The following CHST9 variants were observed in gnomAD, a reference collection of about 807,000 sequenced individuals.
CHST9 encodes GalNAc-4-sulfotransferase 2.
Under a neutral mutation model 44.4 loss-of-function variants are expected in CHST9, and 41 were observed. That is an observed-to-expected ratio of 0.92 (90% CI 0.72 to 1.20). CHST9 has a LOEUF of 1.20. CHST9 is among the 50% of genes most tolerant of loss of function. The pLI is 0.00. For missense variants in CHST9, 504 were observed against 516.5 expected, an observed-to-expected ratio of 0.98 and a Z score of 0.23; for synonymous variants, 171 against 178.4, an observed-to-expected ratio of 0.96 and a Z score of 0.33.
chr18:26,916,686 T>C lies in CHST9; in HGVS notation c.905A>G (p.His302Arg). ...DKFEHPNSYY[H>R]PVFGKAIIKK... ...GATAATTGCCTTTCCGAATACTGGA[T>C]GGTAATAACTATTGGGGTGTTCAAA... is the stretch of plus-strand genomic sequence containing the variant. The change falls in exon 6 of 6, where the codon CAT becomes CGT. Residue 302 changes from histidine to arginine, a missense_variant. His to Arg is a conservative substitution (Grantham distance 29, BLOSUM62 0). Transcript: ENST00000618847. 5.6e-6 allele frequency: 9 copies of C among 1,613,934 alleles called. No homozygotes were observed. Among genetic ancestry groups the C allele is most frequent in the Non-Finnish European group, 7.6e-6 (9 of 1,179,822 alleles).
chr18:26,974,486 T>C (rs2056592320), intron 4 of CHST9, among the ~76,000 whole-genome samples: 1 of 152,218 alleles, frequency 6.6e-6, no homozygotes, highest in South Asian at 2.1e-4. Flanking sequence ...GTTGAATTGA[T>C]TTCTTCTGAA....
intron 2 of CHST9, among the ~76,000 whole-genome samples, chr18:27,107,585 T>C (rs550808905): frequency 6.6e-6 from 1 of 152,274 alleles, no homozygotes; most frequent in East Asian, 1.9e-4. Context: ...CCCTGAAAAC[T>C]TTTGTCTTCC....
intron 2 of CHST9, among the ~76,000 whole-genome samples, chr18:27,080,950 T>C (rs1288028076): frequency 6.6e-6 from 1 of 151,360 alleles, no homozygotes; most frequent in East Asian, 1.9e-4. Context: ...AAATGGAATT[T>C]AGAAGAAAAA....
intron 2 of CHST9, among the ~76,000 whole-genome samples, chr18:27,061,894 T>C (rs1470538817): frequency 1.3e-5 from 2 of 152,172 alleles, no homozygotes; most frequent in African/African-American, 4.8e-5. Flanking sequence ...TATACATTTC[T>C]GGAATGCAAG....
chr18:27,101,758 A>G (rs79023059), intron 2 of CHST9, among the ~76,000 whole-genome samples: 2,909 of 152,346 alleles, frequency 0.019, 83 homozygotes, highest in African/African-American at 0.065. Flanking sequence ...GAGAAACTGT[A>G]TATCCTAACA....
chr18:26,916,524 A>C lies in CHST9; in HGVS notation c.1067T>G (p.Leu356Arg). 1 of 1,613,844 alleles carries C rather than the reference A, an allele frequency of 6.2e-7. No homozygotes were observed. Among genetic ancestry groups the C allele is most frequent in the Non-Finnish European group, 8.5e-7 (1 of 1,179,778 alleles). The change falls in exon 6 of 6, where the codon CTC becomes CGC. Residue 356 changes from leucine (L) to arginine (R), a missense_variant. Physicochemically the swap from Leu to Arg is moderately radical, Grantham distance 102. Coordinates refer to ENST00000618847, the MANE Select transcript of CHST9 (RefSeq NM_031422.6). ...MDIHWEKVSK[L>R]CYPCLINYDF... is the part of the protein sequence containing the mutation. ...ATAGTTGATCAAACACGGATAGCAG[A>C]GTTTGCTGACCTTTTCCCAGTGAAT...
intron 4 of CHST9, among the ~76,000 whole-genome samples, chr18:27,008,408 G>A (rs1176478090): frequency 1.3e-5 from 2 of 152,140 alleles, no homozygotes; most frequent in Admixed American, 1.3e-4. Flanking sequence ...CAACAATCAA[G>A]TAGTTAGAAA....
intron 2 of CHST9, among the ~76,000 whole-genome samples, chr18:27,053,251 A>AGAAGAG: frequency 9.1e-6 from 1 of 110,144 alleles, no homozygotes; most frequent in Non-Finnish European, 2.0e-5. Flanking sequence ...AAGAAGAAGA[A>AGAAGAG]GAAGAAGAAG....
intron 5 of CHST9, among the ~76,000 whole-genome samples, chr18:26,923,928 A>G (rs2055711491): frequency 6.6e-6 from 1 of 152,148 alleles, no homozygotes; most frequent in South Asian, 2.1e-4. Flanking sequence ...CAAGCCAGAG[A>G]TGGCAAGGGC....
intron 1 of CHST9, among the ~76,000 whole-genome samples, chr18:27,143,453 T>C (rs1181397261): frequency 6.6e-6 from 1 of 152,072 alleles, no homozygotes; most frequent in Non-Finnish European, 1.5e-5. Context: ...CAAGGACCCC[T>C]CCCACAATAA....
intron 3 of CHST9, among the ~76,000 whole-genome samples, chr18:27,038,968 A>G (rs567842527): frequency 1.1e-4 from 17 of 152,320 alleles, no homozygotes; most frequent in African/African-American, 3.8e-4. Context: ...TGTAATTTAT[A>G]TATATGGCTT....
At chr18:26,995,409 ACC>A (rs1488006187) in intron 4 of CHST9, among the ~76,000 whole-genome samples, 10 of 147,966 alleles carry the variant, frequency 6.8e-5, no homozygotes, top group African/African-American at 2.5e-4. Context: ...CTACACTGCA[ACC>A]CGGGTGACAG....
At chr18:27,070,265 C>T (rs187204918) in intron 2 of CHST9, among the ~76,000 whole-genome samples, 9 of 152,270 alleles carry the variant, frequency 5.9e-5, no homozygotes, top group Non-Finnish European at 1.5e-5. Context: ...TCAGGGGCTC[C>T]ACACTTAATG....
chr18:27,020,280 T>C (rs1043589935), intron 4 of CHST9, among the ~76,000 whole-genome samples: 4 of 151,654 alleles, frequency 2.6e-5, no homozygotes, highest in African/African-American at 7.3e-5. Context: ...ACCTGTGGGG[T>C]TGAGGGTAGT....
In CHST9 at chr18:26,916,525, G is replaced by C; in HGVS notation, c.1066C>G (p.Leu356Val). Residue 356 changes from leucine (L) to valine (V), a missense_variant, in exon 6 of 6, where the codon CTC becomes GTC. Transcript: ENST00000618847. ...MDIHWEKVSK[L>V]CYPCLINYDF... ...TAGTTGATCAAACACGGATAGCAGAGTTTGCTGACCTTTTCCCAGTGAATG... is the reference window on the plus strand; with the variant it reads ...TAGTTGATCAAACACGGATAGCAGACTTTGCTGACCTTTTCCCAGTGAATG... The C allele has an allele frequency of 6.2e-7, 1 of 1,613,868 alleles. No individual in the cohort carries two copies. The highest frequency in any genetic ancestry group is 8.5e-7 in the Non-Finnish European group (1 of 1,179,796).
rs1491432665 is a variant in CHST9, at chr18:27,053,346, AAG to A, written c.122-4845_122-4844del. Among the ~76,000 whole-genome samples, 173 of 67,904 alleles carry A rather than the reference AAG, an allele frequency of 2.5e-3. 41 individuals are homozygous for A. Among genetic ancestry groups the A allele is most frequent in the Middle Eastern group, 7.5e-3 (1 of 134 alleles). The allele number at this position is 67,904 out of a possible 152,430, so 44.5% of individuals were successfully genotyped here. On this transcript the variant is annotated intron_variant, in intron 2 of 5. Transcript: ENST00000618847. ...GGAGAAGATTTCATTAAAAAAAAAA[AAG>A]CAATAATTATAGTCCCCTACAAAAC...
intron 1 of CHST9, among the ~76,000 whole-genome samples, chr18:27,182,778 T>C (rs939415804): frequency 7.9e-5 from 12 of 151,564 alleles, no homozygotes; most frequent in African/African-American, 2.7e-4. Context: ...CAAATACAAA[T>C]ATAAAGTATA....
intron 1 of CHST9, among the ~76,000 whole-genome samples, chr18:27,175,316 C>T (rs1034815592): frequency 1.3e-5 from 2 of 151,838 alleles, no homozygotes; most frequent in East Asian, 1.9e-4. Flanking sequence ...TTCTTAATGC[C>T]GGAATGTATA....
intron 2 of CHST9, among the ~76,000 whole-genome samples, chr18:27,102,860 T>A (rs543782665): frequency 7.9e-6 from 1 of 127,230 alleles, no homozygotes; most frequent in Admixed American, 8.3e-5. Context: ...GATTCAACAC[T>A]TTTTTTTTTC....
Sources: gnomAD v4.1 joint callset for allele counts (sites outside exome capture counted in the v4.1 genomes callset) on GRCh38, gnomAD v4.1.1 for gene constraint, MANE v1.5 for transcripts, NCBI Gene and HGNC (gene_info 2026-07-23, HGNC 2026-07-21) for gene names.